The following MS4A6A variants were observed in gnomAD, a reference collection of about 807,000 sequenced individuals.
The protein encoded by MS4A6A is membrane spanning 4-domains A6A, also known as membrane-spanning 4-domains subfamily A member 6A.
A neutral mutation model predicts 20.6 loss-of-function variants in MS4A6A; 19 were observed. That is an observed-to-expected ratio of 0.92 (90% CI 0.64 to 1.36). The LOEUF (loss-of-function observed/expected upper bound fraction) is 1.36. Among genes scored for constraint, MS4A6A ranks in the 40% most tolerant of loss-of-function variants. The pLI is 0.00. For synonymous variants in MS4A6A, 108 were observed against 105.0 expected, an observed-to-expected ratio of 1.03 and a Z score of -0.17; for missense variants, 272 against 261.1, an observed-to-expected ratio of 1.04 and a Z score of -0.29.
At chr11:60,178,829 C>T (rs598862) in intron 3 of MS4A6A, 406,545 of 434,032 alleles carry the variant, frequency 0.94, 191,570 homozygotes, top group Non-Finnish European at 0.98. Flanking sequence ...TCACCATACT[C>T]TAAACATCAA....
At chr11:60,171,976 G>A (rs1401730624), downstream of MS4A6A, 7 of 517,644 alleles carry the variant, frequency 1.4e-5, no homozygotes, top group Non-Finnish European at 1.9e-5. Flanking sequence ...GTCAATGTCA[G>A]GCAAATCAAG....
intron 2 of MS4A6A, chr11:60,180,215 C>T (rs1857061163): frequency 1.9e-6 from 1 of 538,628 alleles, no homozygotes; most frequent in Non-Finnish European, 3.3e-6. Flanking sequence ...GCCTCTCAGG[C>T]CCTGGTCTGC....
upstream of MS4A6A, chr11:60,183,586 T>TA (rs902699742): frequency 6.4e-6 from 1 of 155,688 alleles, no homozygotes; most frequent in African/African-American, 2.4e-5. Context: ...ATATAGAACA[T>TA]AAAAAAACTT....
At position 60,173,172 on chromosome 11, in the gene MS4A6A, T is replaced by C. The variant is rs199552715; in HGVS notation, c.550-43A>G. On this transcript the variant is annotated intron_variant, in intron 5 of 5. Transcript: ENST00000528851. The stretch of plus-strand genomic sequence containing the variant: ...AAAGATTGATGTTGCTTAGGTCAGC[T>C]GAAGCCTTCATGCCTAGTTGAGAGG... The C allele has an allele frequency of 1.8e-4, 276 of 1,576,264 alleles. 3 individuals carry two copies. Among genetic ancestry groups the C allele is most frequent in the South Asian group, 1.7e-3 (155 of 90,172 alleles).
Position 60,179,975 on chromosome 11 carries a change from G to C in MS4A6A, c.148-10C>G. The stretch of plus-strand genomic sequence containing the variant: ...ACAAGATCTGGATAGTCTGTGGGAA[G>C]AGAAAGTGAGATTGAGGATGAAAAC... On this transcript the variant is annotated splice_polypyrimidine_tract_variant and intron_variant, in intron 2 of 5. Coordinates refer to ENST00000528851, the MANE Select transcript of MS4A6A (RefSeq NM_022349.4). 1 of 1,610,520 alleles carries C rather than the reference G, an allele frequency of 6.2e-7. No homozygotes were observed. Among genetic ancestry groups the C allele is most frequent in the Non-Finnish European group, 8.5e-7 (1 of 1,177,992 alleles).
rs1192860375 is a variant in MS4A6A, at chr11:60,176,576, T to C, written c.340-965A>G. Among the ~76,000 whole-genome samples, 3 of 152,130 alleles carry C rather than the reference T, an allele frequency of 2.0e-5. 1 individual carries two copies. The highest frequency in any genetic ancestry group is 1.5e-5 in the Non-Finnish European group (1 of 68,016). ...GGCTCCAGGGCACACCTCACAGCCA[T>C]ACAGTAGAATGTTACTTAATCCCAC... On this transcript the variant is annotated intron_variant, in intron 4 of 5. Coordinates refer to ENST00000528851, the MANE Select transcript of MS4A6A (RefSeq NM_022349.4).
intron 2 of MS4A6A, chr11:60,180,720 G>C (rs1857092599): frequency 4.4e-6 from 1 of 227,500 alleles, no homozygotes. Context: ...TCATTTAGAG[G>C]CCATCCCCCT....
intron 3 of MS4A6A, 34 bp from the exon 4 acceptor site, chr11:60,178,350 C>A: frequency 1.3e-6 from 2 of 1,577,772 alleles, no homozygotes; most frequent in Non-Finnish European, 8.7e-7. Context: ...AGGTCAGATT[C>A]CATGTACAGA....
In MS4A6A at chr11:60,173,060, G is replaced by T. The variant is rs371493203; in HGVS notation, c.619C>A (p.Arg207=). 4.3e-6 allele frequency: 7 copies of T among 1,613,892 alleles called. No individual in the cohort carries two copies. The highest frequency in any genetic ancestry group is 5.9e-6 in the Non-Finnish European group (7 of 1,179,944). ...AAGTCAGAGTAAGCCTGTTTCCACC[G>T]CAGCACAGCAGTGAGCACAGCTAGG... ...FCLAVLTAVL[R]WKQAYSDFPG... is the part of the protein sequence containing the mutation. The change falls in exon 6 of 6, where the codon CGG becomes AGG. Residue 207 remains arginine (R), a synonymous_variant. Coordinates refer to ENST00000528851, the MANE Select transcript of MS4A6A (RefSeq NM_022349.4).
upstream of MS4A6A, chr11:60,183,263 T>C: frequency 7.7e-7 from 1 of 1,296,610 alleles, no homozygotes; most frequent in East Asian, 2.5e-5. Context: ...TATGTGTGAA[T>C]TGCCACTTCG....
At chr11:60,182,918 C>T (rs2083815941) in intron 1 of MS4A6A, 60 bp downstream of exon 1, 2 of 1,092,954 alleles carry the variant, frequency 1.8e-6, no homozygotes, top group Non-Finnish European at 2.4e-6. Context: ...TAAATTACTC[C>T]TCTAATGAGG....
intron 2 of MS4A6A, 193 bp downstream of exon 2, chr11:60,181,388 G>T: frequency 1.6e-6 from 1 of 612,858 alleles, no homozygotes; most frequent in Non-Finnish European, 2.8e-6. Flanking sequence ...TCAGAATAAG[G>T]GAAAATATAT....
At chr11:60,176,365 C>T (rs967577996) in intron 4 of MS4A6A, among the ~76,000 whole-genome samples, 16 of 152,108 alleles carry the variant, frequency 1.1e-4, no homozygotes, top group Admixed American at 2.0e-4. Context: ...ACTAGACTTG[C>T]CTTGGTTTAT....
chr11:60,181,775 A>T, intron 1 of MS4A6A, 34 bp from the exon 2 acceptor site: 4 of 1,605,538 alleles, frequency 2.5e-6, no homozygotes, highest in Non-Finnish European at 3.4e-6. Flanking sequence ...GCTCTTAAAA[A>T]GTACAGAGCT....
At chr11:60,180,806 GTTTTCCTTCC>G (rs1182853070) in intron 2 of MS4A6A, 1 of 328,026 alleles carries the variant, frequency 3.0e-6, no homozygotes, top group Admixed American at 4.2e-5. Context: ...TTAGGAGGTA[GTTTTCCTTCC>G]TGACATCCAC....
In MS4A6A at chr11:60,181,841, G is replaced by A. The variant is rs1857153226; in HGVS notation, c.-14-100C>T. ...AGTCTTTGCCAATTAGTCTAGGCTT[G>A]GCCTGTCCATTAGAGAAAGAAACTG... On this transcript the variant is annotated intron_variant, in intron 1 of 5. Transcript: ENST00000528851. The A allele has an allele frequency of 5.9e-6, 7 of 1,177,012 alleles. 1 individual carries two copies. In the South Asian group the frequency reaches 1.0e-4, roughly 17 times the overall value. The allele number at this position is 1,177,012 out of a possible 1,614,324, so 72.9% of individuals were successfully genotyped here.
rs779374671 is a variant in MS4A6A, at chr11:60,181,687, A to G, written c.41T>C (p.Leu14Pro). Residue 14 changes from leucine (L) to proline (P), a missense_variant, in exon 2 of 6, where the codon CTC (leucine) becomes CCC (proline). Physicochemically the swap from Leu to Pro is moderately conservative, Grantham distance 98. Coordinates refer to ENST00000528851, the MANE Select transcript of MS4A6A (RefSeq NM_022349.4). ...GGAGAAGTTGATGACATTTGATGGG[A>G]GCACTATGATGGTCTCATTGGGAAC... ...QPVPNETIIV[L>P]PSNVINFSQA... 4.3e-5 allele frequency: 69 copies of G among 1,613,972 alleles called. No individual in the cohort carries two copies. Among genetic ancestry groups the G allele is most frequent in the Non-Finnish European group, 5.8e-5 (69 of 1,179,982 alleles).
At position 60,173,025 on chromosome 11, in the gene MS4A6A, C is replaced by A; in HGVS notation, c.654G>T (p.Val218=). The change falls in exon 6 of 6, where the codon GTG becomes GTT. Residue 218 remains valine, a synonymous_variant. Coordinates refer to ENST00000528851, the MANE Select transcript of MS4A6A (RefSeq NM_022349.4). ...GTTAAGTGAAGCCGGCCAGCACACT[C>A]ACCCCAGGGAAGTCAGAGTAAGCCT... The part of the protein sequence containing the change: ...WKQAYSDFPG[V]SVLAGFT The A allele has an allele frequency of 6.2e-7, 1 of 1,614,128 alleles. No homozygotes were observed. The highest frequency in any genetic ancestry group is 8.5e-7 in the Non-Finnish European group (1 of 1,179,994).
rs1565099104 is a variant in MS4A6A at position 60,175,573 on chromosome 11, C to G, written c.378G>C (p.Leu126=). 6.2e-7 allele frequency: 1 copy of G among 1,613,846 alleles called. No homozygotes were observed. The highest frequency in any genetic ancestry group is 1.3e-5 in the African/African-American group (1 of 75,052). The part of the protein sequence containing the change: ...SSLVGSILSA[L]SALVGFIILS... ...GGATAATGAAACCCACCAGGGCAGA[C>G]AGAGCACTCAGAATGCTTCCAACCA... The change falls in exon 5 of 6, where the codon CTG becomes CTC. Residue 126 remains leucine (L), a synonymous_variant. Transcript: ENST00000528851.
Sources: gnomAD v4.1 joint callset for allele counts (sites outside exome capture counted in the v4.1 genomes callset) on GRCh38, gnomAD v4.1.1 for gene constraint, MANE v1.5 for transcripts, NCBI Gene and HGNC (gene_info 2026-07-23, HGNC 2026-07-21) for gene names.